The following PRDM14 variants were observed in gnomAD, a reference collection of about 807,000 sequenced individuals.
PRDM14 encodes the protein PR domain zinc finger protein 14.
In PRDM14, 16 loss-of-function variants were observed where a neutral mutation model predicts 48.0. The observed-to-expected ratio is 0.33, with a 90% CI of 0.23 to 0.51. The LOEUF (loss-of-function observed/expected upper bound fraction) is 0.51, where lower values mean the gene tolerates loss of function less well. Among genes scored for constraint, PRDM14 ranks in the 20% least tolerant of loss-of-function variants. The pLI is 0.97. For missense variants in PRDM14, 566 were observed against 719.6 expected (o/e 0.79, Z 2.44); for synonymous variants, 264 against 276.6 (o/e 0.95, Z 0.45).
Position 70,051,919 on chromosome 8 carries a change from G to T in PRDM14, c.*158C>A. The T allele has an allele frequency of 1.8e-6, 1 of 567,514 alleles. No homozygotes were observed. The highest frequency in any genetic ancestry group is 3.1e-6 in the Non-Finnish European group (1 of 321,918). 35.2% of individuals were successfully genotyped at this position (567,514 alleles called of 1,614,324 possible). A position where few individuals can be genotyped will look rare whatever the true frequency, so the allele number is the denominator to read the frequency against. On this transcript the variant is annotated 3_prime_UTR_variant, in exon 8 of 8. Coordinates refer to ENST00000276594, the MANE Select transcript of PRDM14 (RefSeq NM_024504.4). The stretch of plus-strand genomic sequence containing the variant: ...CCTGAGTGGCTGGAACCACAGGCAT[G>T]TGCCACCACCCCCAGCTGATTTTTG...
At chr8:70,070,595 C>G (rs1805750184) in intron 1 of PRDM14, among the ~76,000 whole-genome samples, 1 of 152,210 alleles carries the variant, frequency 6.6e-6, no homozygotes, top group South Asian at 2.1e-4. Context: ...GCCGCCTGAA[C>G]CTCTTTTCCC....
Position 70,069,760 on chromosome 8 carries a change from G to A in PRDM14, c.101C>T (p.Pro34Leu), listed in dbSNP as rs752938943. ...QNLAAYYTPF[P>L]SYGHYRNSLA... ...GCTGTTTCTGTAGTGTCCATAGGACGGGAAAGGCGTGTAGTACGCGGCCAG... is the reference window on the plus strand; with the variant it reads ...GCTGTTTCTGTAGTGTCCATAGGACAGGAAAGGCGTGTAGTACGCGGCCAG... The change falls in exon 2 of 8, where the codon CCG becomes CTG. Residue 34 changes from proline to leucine, a missense_variant. Pro to Leu is a moderately conservative substitution (Grantham distance 98). Around this residue, in one of 3 missense-constraint regions of PRDM14, gnomAD observed 410 missense variants for 424.6 expected, o/e 0.97. Coordinates refer to ENST00000276594, the MANE Select transcript of PRDM14 (RefSeq NM_024504.4). 2.5e-6 allele frequency: 4 copies of A among 1,608,522 alleles called. No individual in the cohort carries two copies. The highest frequency in any genetic ancestry group is 3.4e-5 in the Admixed American group (2 of 59,424).
intron 6 of PRDM14, among the ~76,000 whole-genome samples, chr8:70,057,165 C>T (rs561921287): frequency 6.6e-6 from 1 of 151,856 alleles, no homozygotes; most frequent in Non-Finnish European, 1.5e-5. Context: ...TGGGGTTTCA[C>T]CATGTTAGCC....
chr8:70,065,514 T>C (rs941609001), intron 5 of PRDM14, among the ~76,000 whole-genome samples: 1 of 152,036 alleles, frequency 6.6e-6, no homozygotes, highest in Non-Finnish European at 1.5e-5. Flanking sequence ...TCCCTGCAAG[T>C]TGATAAAAAT....
intron 4 of PRDM14, among the ~76,000 whole-genome samples, chr8:70,067,331 CA>C (rs1230685304): frequency 1.3e-5 from 2 of 151,978 alleles, no homozygotes; most frequent in Non-Finnish European, 2.9e-5. Flanking sequence ...CCAGCCTGGC[CA>C]ACATGGTGAA....
chr8:70,065,720 A>G (rs1805657229), intron 5 of PRDM14, among the ~76,000 whole-genome samples: 1 of 152,180 alleles, frequency 6.6e-6, no homozygotes, highest in South Asian at 2.1e-4. Context: ...GAAATTTCAC[A>G]AAACAATCCT....
rs866587773 is a variant in PRDM14, at chr8:70,068,626, C to T, written c.701-94G>A. 35 of 993,402 alleles carry T rather than the reference C, an allele frequency of 3.5e-5. No homozygotes were observed. In the African/African-American group the frequency reaches 4.4e-4, roughly 12 times the overall value. 61.5% of individuals were successfully genotyped at this position (993,402 alleles called of 1,614,324 possible). A position where few individuals can be genotyped will look rare whatever the true frequency, so the allele number is the denominator to read the frequency against. On this transcript the variant is annotated intron_variant, in intron 2 of 7. Transcript: ENST00000276594. ...CCCTCCTTAATTCCCTAAAGGTAAC[C>T]ATCATCCCAGTTTGATATTTATTTG...
In PRDM14 at chr8:70,069,171, T is replaced by C; in HGVS notation, c.690A>G (p.Pro230=). 6.6e-7 allele frequency: 1 copy of C among 1,513,090 alleles called. No homozygotes were observed. The highest frequency in any genetic ancestry group is 8.8e-7 in the Non-Finnish European group (1 of 1,131,276). 93.7% of individuals were successfully genotyped at this position (1,513,090 alleles called of 1,614,324 possible). ...HHAISGLLVP[P]DSSGSDSLPQ... ...GTGAACTCCCTTTACCAGAGCTGTC[T>C]GGGGGGACCAGGAGGCCTGAAATCG... Residue 230 remains proline (P), a synonymous_variant, in exon 2 of 8, where the codon CCA becomes CCG. Coordinates refer to ENST00000276594, the MANE Select transcript of PRDM14 (RefSeq NM_024504.4).
At position 70,057,329 on chromosome 8, in the gene PRDM14, TA is replaced by T. The variant is rs1167999067; in HGVS notation, c.1386+1310del. On this transcript the variant is annotated intron_variant, in intron 6 of 7. Coordinates refer to ENST00000276594, the MANE Select transcript of PRDM14 (RefSeq NM_024504.4). ...ATTTGGTTTTTGCTTGATAAGACAATATTTTTTTTTTTTTTTTGGGATGGAG... is the reference window on the plus strand; with the variant it reads ...ATTTGGTTTTTGCTTGATAAGACAATTTTTTTTTTTTTTTTTGGGATGGAG... Among the ~76,000 whole-genome samples the T allele has an allele frequency of 4.5e-3, 676 of 149,216 alleles. 3 individuals are homozygous for T. Among genetic ancestry groups the T allele is most frequent in the African/African-American group, 0.016 (639 of 40,128 alleles).
intron 7 of PRDM14, 140 bp downstream of exon 7, chr8:70,055,160 T>G: frequency 2.0e-6 from 1 of 509,864 alleles, no homozygotes; most frequent in Non-Finnish European, 3.5e-6. Flanking sequence ...TGAGCATATT[T>G]AGGGGTGGAA....
chr8:70,069,585 C>A lies in PRDM14; in HGVS notation c.276G>T (p.Leu92=), dbSNP rs766237068. The change falls in exon 2 of 8, where the codon CTG becomes CTT. Residue 92 remains leucine (L), a synonymous_variant. Coordinates refer to ENST00000276594, the MANE Select transcript of PRDM14 (RefSeq NM_024504.4). ...LGLQREPLYD[L]PWYSKLPPWY... is the part of the protein sequence containing the mutation. Reference sequence around the variant, plus strand: ...ACGGTGGCAGCTTGCTGTACCAGGGCAGATCGTAGAGAGGCTCCCTCTGTA... The same window carrying A: ...ACGGTGGCAGCTTGCTGTACCAGGGAAGATCGTAGAGAGGCTCCCTCTGTA... 2 of 1,599,506 alleles carry A rather than the reference C, an allele frequency of 1.3e-6. No homozygotes were observed. Among genetic ancestry groups the A allele is most frequent in the Non-Finnish European group, 1.7e-6 (2 of 1,173,454 alleles).
chr8:70,066,868 G>A (rs1043786014), intron 4 of PRDM14, among the ~76,000 whole-genome samples: 1 of 152,028 alleles, frequency 6.6e-6, no homozygotes, highest in Non-Finnish European at 1.5e-5. Context: ...TGGAACTAAA[G>A]GCATGCACCA....
chr8:70,063,155 C>T (rs1225714541), intron 5 of PRDM14, among the ~76,000 whole-genome samples: 1 of 152,036 alleles, frequency 6.6e-6, no homozygotes, highest in African/African-American at 2.4e-5. Flanking sequence ...CAAAAATGGC[C>T]GGCCATGGTG....
Position 70,069,741 on chromosome 8 carries a change from T to A in PRDM14, c.120A>T (p.Arg40Ser), listed in dbSNP as rs1805735485. Reference protein sequence around the residue: ...YTPFPSYGHYRNSLATVEEDF... With the variant: ...YTPFPSYGHYSNSLATVEEDF... Reference sequence around the variant, plus strand: ...CTTCCTCCACGGTGGCCAGGCTGTTTCTGTAGTGTCCATAGGACGGGAAAG... The same window carrying A: ...CTTCCTCCACGGTGGCCAGGCTGTTACTGTAGTGTCCATAGGACGGGAAAG... The change falls in exon 2 of 8, where the codon AGA becomes AGT. Residue 40 changes from arginine to serine, a missense_variant. Physicochemically the swap from Arg to Ser is moderately radical, Grantham distance 110. Coordinates refer to ENST00000276594, the MANE Select transcript of PRDM14 (RefSeq NM_024504.4). 1.2e-6 allele frequency: 2 copies of A among 1,603,162 alleles called. No homozygotes were observed. The highest frequency in any genetic ancestry group is 2.7e-5 in the African/African-American group (2 of 74,780).
At chr8:70,056,026 C>G (rs995269670) in intron 6 of PRDM14, among the ~76,000 whole-genome samples, 9 of 152,194 alleles carry the variant, frequency 5.9e-5, no homozygotes, top group African/African-American at 2.2e-4. Flanking sequence ...ATTAACTCAA[C>G]AATTATCTAC....
intron 5 of PRDM14, among the ~76,000 whole-genome samples, chr8:70,064,825 A>ATT (rs148699883): frequency 3.1e-4 from 45 of 145,658 alleles, no homozygotes; most frequent in African/African-American, 1.1e-3. Context: ...CGCCTGGGCC[A>ATT]TTTTTTTTTT....
At chr8:70,063,828 A>G (rs1218899264) in intron 5 of PRDM14, among the ~76,000 whole-genome samples, 2 of 152,056 alleles carry the variant, frequency 1.3e-5, no homozygotes, top group Admixed American at 6.6e-5. Flanking sequence ...CAGCCTGTTG[A>G]CTTTTATTTC....
chr8:70,058,663 G>T lies in PRDM14; in HGVS notation c.1363C>A (p.His455Asn). 1 of 1,613,924 alleles carries T rather than the reference G, an allele frequency of 6.2e-7. No homozygotes were observed. Among genetic ancestry groups the T allele is most frequent in the South Asian group, 1.1e-5 (1 of 91,022 alleles). The change falls in exon 6 of 8, where the codon CAT becomes AAT. Residue 455 changes from histidine to asparagine, a missense_variant. By Grantham distance (68) the His-to-Asn change is moderately conservative. This residue lies in a region of PRDM14 where 126 missense variants were observed against 271.6 expected (regional missense o/e 0.46). Transcript: ENST00000276594. ...ACCTTGTGAGGCCGGTGCTTCTCAT[G>T]AACATGAAGAATGTGGATCCGAAGC... ...DRLRIHILHV[H>N]EKHRPHKCST... is the part of the protein sequence containing the mutation.
rs769816187 is a variant in PRDM14, at chr8:70,068,550, A to T, written c.701-18T>A. On this transcript the variant is annotated intron_variant, in intron 2 of 7. Transcript: ENST00000276594. ...ATCAGATCCTAGCAAAAGGCAGGTT[A>T]AAACAATTTTTCATTAAAAATGCAT... 19 of 1,612,726 alleles carry T rather than the reference A, an allele frequency of 1.2e-5. No individual in the cohort carries two copies. Among genetic ancestry groups the T allele is most frequent in the Middle Eastern group, 3.3e-4 (2 of 6,068 alleles).
Sources: gnomAD v4.1 joint callset for allele counts (sites outside exome capture counted in the v4.1 genomes callset) on GRCh38, gnomAD v4.1.1 for gene constraint, gnomAD v4.1.1 regional missense constraint, MANE v1.5 for transcripts, NCBI Gene and HGNC (gene_info 2026-07-23, HGNC 2026-07-21) for gene names.